Variants in TBC1D12 observed in about 807,000 individuals in gnomAD.
TBC1D12 encodes TBC1 domain family member 12.
In TBC1D12, 56 loss-of-function variants were observed where a neutral mutation model predicts 86.7. The observed-to-expected ratio is 0.65, with a 90% CI of 0.52 to 0.81. TBC1D12 has a LOEUF of 0.81. TBC1D12 is among the 30% of genes least tolerant of loss of function. The probability of loss-of-function intolerance (pLI) is 0.00; values close to 1 mark genes in which losing one functional copy is unlikely to be tolerated. For missense variants in TBC1D12, 1,023 were observed against 1,038.8 expected (o/e 0.98, Z 0.21); for synonymous variants, 421 against 411.7 (o/e 1.02, Z -0.27).
intron 1 of TBC1D12, among the ~76,000 whole-genome samples, chr10:94,418,056 T>C (rs975255708): frequency 6.6e-6 from 1 of 152,122 alleles, no homozygotes; most frequent in Non-Finnish European, 1.5e-5. Flanking sequence ...GCCCGGCCCA[T>C]GTATGTCTCT....
intron 2 of TBC1D12, among the ~76,000 whole-genome samples, chr10:94,445,319 A>G (rs1373992830): frequency 6.6e-6 from 1 of 151,820 alleles, no homozygotes; most frequent in Non-Finnish European, 1.5e-5. Context: ...ACGTTGTGCC[A>G]CTGCACTCCA....
intron 1 of TBC1D12, among the ~76,000 whole-genome samples, chr10:94,434,547 A>G (rs1435773929): frequency 1.3e-5 from 2 of 151,868 alleles, no homozygotes; most frequent in Non-Finnish European, 2.9e-5. Flanking sequence ...TAACCATTTT[A>G]GTTAGGGCTC....
rs575151318 is a variant in TBC1D12, at chr10:94,410,683, G to A, written c.971+7099G>A. Among the ~76,000 whole-genome samples, 14 of 152,176 alleles carry A rather than the reference G, an allele frequency of 9.2e-5. No individual in the cohort carries two copies. In the South Asian group the frequency reaches 2.5e-3, roughly 27 times the overall value. On this transcript the variant is annotated intron_variant, in intron 1 of 12. Coordinates refer to ENST00000225235, the MANE Select transcript of TBC1D12 (RefSeq NM_015188.2). ...AACTAGACTGTAGATCTGTTCCTAG[G>A]GCTTGAAGCTAATACACTGATTTCT...
chr10:94,444,862 G>T, intron 2 of TBC1D12, among the ~76,000 whole-genome samples: 1 of 150,790 alleles, frequency 6.6e-6, no homozygotes. Flanking sequence ...CTCCCAAGTA[G>T]CTGGGACTAC....
chr10:94,429,919 A>G (rs1371162914), intron 1 of TBC1D12, among the ~76,000 whole-genome samples: 1 of 152,098 alleles, frequency 6.6e-6, no homozygotes, highest in Non-Finnish European at 1.5e-5. Flanking sequence ...TTTTGTTTGT[A>G]GAGATGGGGT....
chr10:94,514,341 A>G (rs2056563433), intron 9 of TBC1D12, among the ~76,000 whole-genome samples: 1 of 152,164 alleles, frequency 6.6e-6, no homozygotes, highest in Non-Finnish European at 1.5e-5. Context: ...TGCCTGGGCG[A>G]TAGAGTGAGA....
Position 94,402,698 on chromosome 10 carries a change from G to A in TBC1D12, c.85G>A (p.Asp29Asn). The A allele has an allele frequency of 1.9e-6, 3 of 1,598,434 alleles. No individual in the cohort carries two copies. Among genetic ancestry groups the A allele is most frequent in the Non-Finnish European group, 2.6e-6 (3 of 1,172,870 alleles). Residue 29 changes from aspartate to asparagine, a missense_variant, in exon 1 of 13, where the codon GAC becomes AAC. Asp to Asn is a conservative substitution (Grantham distance 23). Around this residue, in one of 2 missense-constraint regions of TBC1D12, gnomAD observed 628 missense variants for 531.1 expected, o/e 1.18. Transcript: ENST00000225235. ...GCCTGCGCCGGACCCCGTGGGCCAG[G>A]ACAGGAAGGTAATCCGGGCCACGGG... ...PVPAPDPVGQDRKVIRATGGF... is the reference protein window; with the variant it reads ...PVPAPDPVGQNRKVIRATGGF...
chr10:94,496,940 C>T, intron 4 of TBC1D12, 115 bp from the exon 5 acceptor site: 2 of 502,050 alleles, frequency 4.0e-6, no homozygotes, highest in South Asian at 4.4e-5. Context: ...TCCTTCCTTC[C>T]TCTTATGATA....
chr10:94,466,048 A>G (rs1268267365), intron 2 of TBC1D12, among the ~76,000 whole-genome samples: 1 of 151,930 alleles, frequency 6.6e-6, no homozygotes, highest in Non-Finnish European at 1.5e-5. Flanking sequence ...TATTTTGCAG[A>G]CATTTCTGTT....
At chr10:94,480,375 T>G (rs1018681402) in intron 3 of TBC1D12, among the ~76,000 whole-genome samples, 5 of 152,132 alleles carry the variant, frequency 3.3e-5, no homozygotes, top group African/African-American at 1.2e-4. Flanking sequence ...CAGGGTAGAC[T>G]TTTGTTCTCT....
In TBC1D12 at chr10:94,535,052, T is replaced by C. The variant is rs1043736442; in HGVS notation, c.*1956T>C. ...ACAGAGTGACCTGGCTTGATGTATT[T>C]CCTGAGCTCTAGTACCATATCATAG... On this transcript the variant is annotated 3_prime_UTR_variant, in exon 13 of 13. Coordinates refer to ENST00000225235, the MANE Select transcript of TBC1D12 (RefSeq NM_015188.2). 1.3e-5 allele frequency: 2 copies of C among 152,164 alleles called. No individual in the cohort carries two copies. The highest frequency in any genetic ancestry group is 2.9e-5 in the Non-Finnish European group (2 of 68,036). 9.4% of individuals were successfully genotyped at this position (152,164 alleles called of 1,614,324 possible).
At chr10:94,439,304 A>G (rs1384873381) in intron 1 of TBC1D12, among the ~76,000 whole-genome samples, 2 of 152,174 alleles carry the variant, frequency 1.3e-5, no homozygotes, top group African/African-American at 4.8e-5. Flanking sequence ...CATGGTGACA[A>G]AGATTTTTTC....
At chr10:94,430,919 G>T (rs528654887) in intron 1 of TBC1D12, among the ~76,000 whole-genome samples, 1 of 152,176 alleles carries the variant, frequency 6.6e-6, no homozygotes, top group South Asian at 2.1e-4. Flanking sequence ...ACTCCTTTTT[G>T]CTAAAAAGAT....
At chr10:94,441,802 G>T in intron 1 of TBC1D12, 94 bp from the exon 2 acceptor site, 1 of 1,276,510 alleles carries the variant, frequency 7.8e-7, no homozygotes, top group Non-Finnish European at 1.1e-6. Context: ...AAGTATTTTT[G>T]TTTTTGCCTT....
rs1160240839 is a variant in TBC1D12, at chr10:94,437,778, GCTCT to G, written c.972-4117_972-4114del. On this transcript the variant is annotated intron_variant, in intron 1 of 12. Coordinates refer to ENST00000225235, the MANE Select transcript of TBC1D12 (RefSeq NM_015188.2). Reference sequence around the variant, plus strand: ...AATTTTCTTATCATCATATTTGCCAGCTCTTTCTTCTGCCTGCTCAAATTTGCTG... The same window carrying G: ...AATTTTCTTATCATCATATTTGCCAGTTCTTCTGCCTGCTCAAATTTGCTG... 2.0e-5 allele frequency among the ~76,000 whole-genome samples: 3 copies of G among 151,914 alleles called. No homozygotes were observed. The East Asian group carries it at 5.8e-4, about 29-fold the overall frequency.
At chr10:94,501,991 AG>A (rs2056403997) in intron 6 of TBC1D12, among the ~76,000 whole-genome samples, 1 of 151,920 alleles carries the variant, frequency 6.6e-6, no homozygotes, top group Non-Finnish European at 1.5e-5. Context: ...ATTGTGCCGC[AG>A]CACTCCAAAC....
intron 3 of TBC1D12, among the ~76,000 whole-genome samples, chr10:94,478,906 G>A (rs975613939): frequency 6.6e-6 from 1 of 151,998 alleles, no homozygotes; most frequent in Admixed American, 6.6e-5. Flanking sequence ...GCAGTGAGCG[G>A]AGATTGTGCA....
intron 9 of TBC1D12, among the ~76,000 whole-genome samples, chr10:94,516,088 A>G (rs2056588167): frequency 6.6e-6 from 1 of 152,214 alleles, no homozygotes; most frequent in South Asian, 2.1e-4. Context: ...GGAAACTGAA[A>G]CTTCAGAAAG....
intron 3 of TBC1D12, among the ~76,000 whole-genome samples, chr10:94,484,326 C>T (rs1469238673): frequency 6.6e-6 from 1 of 150,900 alleles, no homozygotes; most frequent in Non-Finnish European, 1.5e-5. Flanking sequence ...CGGCTCACCG[C>T]AACCTCCACC....
Sources: allele counts gnomAD v4.1 joint callset (sites outside exome capture counted in the v4.1 genomes callset), GRCh38; gene constraint gnomAD v4.1.1; regional missense constraint gnomAD v4.1.1; transcripts MANE v1.5; gene names NCBI Gene and HGNC (gene_info 2026-07-23, HGNC 2026-07-21).